EXOC4: variants seen among roughly 807,000 people sequenced by gnomAD.
The protein encoded by EXOC4 is SEC8-like 1.
EXOC4 carries 71 observed loss-of-function variants against 107.2 expected under a neutral mutation model. That is an observed-to-expected ratio of 0.66 (90% confidence interval 0.55 to 0.81). EXOC4 has a LOEUF of 0.81. Among genes scored for constraint, EXOC4 ranks in the 30% least tolerant of loss-of-function variants. EXOC4 has a pLI of 0.00. For missense variants in EXOC4, 1,108 were observed against 1,189.6 expected (o/e 0.93, Z 1.01); for synonymous variants, 456 against 441.2 (o/e 1.03, Z -0.42).
intron 9 of EXOC4, among the ~76,000 whole-genome samples, chr7:133,508,124 A>G (rs561452541): frequency 6.6e-5 from 10 of 152,198 alleles, no homozygotes; most frequent in Middle Eastern, 3.4e-3. Context: ...TTTTTTATCC[A>G]TGACTACAAA....
chr7:133,256,267 C>A (rs1795017094), intron 1 of EXOC4, among the ~76,000 whole-genome samples: 2 of 152,232 alleles, frequency 1.3e-5, no homozygotes, highest in South Asian at 4.1e-4. Context: ...AGGCGTGAGC[C>A]ACCGCGCCTG....
intron 14 of EXOC4, among the ~76,000 whole-genome samples, chr7:133,961,769 A>T (rs1360226056): frequency 6.6e-6 from 1 of 152,224 alleles, no homozygotes; most frequent in Admixed American, 6.5e-5. Flanking sequence ...AAAAACCATG[A>T]CTAAGTAACT....
intron 9 of EXOC4, among the ~76,000 whole-genome samples, chr7:133,626,023 G>A (rs1012644084): frequency 3.9e-5 from 6 of 152,154 alleles, no homozygotes; most frequent in Admixed American, 1.3e-4. Context: ...CCTGGCCAAC[G>A]TGGTGAAACC....
At chr7:133,818,787 A>G (rs911629670) in intron 11 of EXOC4, among the ~76,000 whole-genome samples, 1 of 151,852 alleles carries the variant, frequency 6.6e-6, no homozygotes, top group Non-Finnish European at 1.5e-5. Context: ...TGACTGTCCT[A>G]CCTAATTAGG....
At chr7:133,360,898 C>T (rs1002031296) in intron 6 of EXOC4, among the ~76,000 whole-genome samples, 1 of 151,738 alleles carries the variant, frequency 6.6e-6, no homozygotes, top group Non-Finnish European at 1.5e-5. Flanking sequence ...GTTTTTAAAC[C>T]AACTTGACAT....
intron 14 of EXOC4, among the ~76,000 whole-genome samples, chr7:133,960,857 T>G (rs1172587249): frequency 6.6e-6 from 1 of 152,188 alleles, no homozygotes; most frequent in Non-Finnish European, 1.5e-5. Flanking sequence ...CTGCCATTTA[T>G]TGAGAATTTA....
At chr7:133,272,305 A>C (rs780040829) in intron 1 of EXOC4, among the ~76,000 whole-genome samples, 9 of 152,222 alleles carry the variant, frequency 5.9e-5, no homozygotes, top group Non-Finnish European at 1.3e-4. Flanking sequence ...TTAGGAGTGC[A>C]ATCTGAAAGC....
At chr7:133,581,367 G>T (rs903509477) in intron 9 of EXOC4, among the ~76,000 whole-genome samples, 1 of 152,134 alleles carries the variant, frequency 6.6e-6, no homozygotes, top group African/African-American at 2.4e-5. Context: ...CTTGCCACGG[G>T]TGTACAGATA....
intron 9 of EXOC4, among the ~76,000 whole-genome samples, chr7:133,517,007 A>G (rs1799889587): frequency 6.6e-6 from 1 of 151,934 alleles, no homozygotes; most frequent in African/African-American, 2.4e-5. Context: ...TTTCTGATGA[A>G]CCAAGGGACA....
intron 12 of EXOC4, among the ~76,000 whole-genome samples, chr7:133,899,745 C>CTTTTTTTTTTTTTTT (rs35095963): frequency 1.2e-5 from 1 of 86,232 alleles, no homozygotes; most frequent in Non-Finnish European, 2.1e-5. Flanking sequence ...CAGATGTACT[C>CTTTTTTTTTTTTTTT]TTTTTTTTTT....
At chr7:134,076,219 A>G in the EXOC4 span, among the ~76,000 whole-genome samples, 1 of 152,194 alleles carries the variant, frequency 6.6e-6, no homozygotes, top group Non-Finnish European at 1.5e-5. Context: ...TGTCTGTCCT[A>G]AAGACAGAAG....
At chr7:133,651,802 A>G (rs1257219545) in intron 10 of EXOC4, among the ~76,000 whole-genome samples, 2 of 152,136 alleles carry the variant, frequency 1.3e-5, no homozygotes, top group African/African-American at 4.8e-5. Context: ...CTCACGCCTC[A>G]GCCTCCCAAA....
chr7:134,020,983 CAA>C (rs34211829), intron 17 of EXOC4, among the ~76,000 whole-genome samples: 7 of 135,620 alleles, frequency 5.2e-5, no homozygotes, highest in African/African-American at 8.3e-5. Context: ...AAGACTGTCT[CAA>C]AAAAAAAAAA....
chr7:134,045,213 A>G (rs1477522303), intron 17 of EXOC4, among the ~76,000 whole-genome samples: 1 of 152,228 alleles, frequency 6.6e-6, no homozygotes, highest in Non-Finnish European at 1.5e-5. Flanking sequence ...TATCATACGT[A>G]GAGTTGTTCC....
At chr7:133,732,018 A>G (rs1192695180) in intron 10 of EXOC4, among the ~76,000 whole-genome samples, 3 of 152,214 alleles carry the variant, frequency 2.0e-5, no homozygotes, top group Non-Finnish European at 4.4e-5. Context: ...ACTATTCACA[A>G]TAGCAAAGAC....
At chr7:133,792,787 C>G (rs1796731945) in intron 10 of EXOC4, among the ~76,000 whole-genome samples, 1 of 151,976 alleles carries the variant, frequency 6.6e-6, no homozygotes, top group African/African-American at 2.4e-5. Context: ...AAAATGGAGA[C>G]AATTTTAATG....
intron 11 of EXOC4, among the ~76,000 whole-genome samples, chr7:133,888,742 T>G (rs373996313): frequency 1.3e-5 from 2 of 152,272 alleles, no homozygotes; most frequent in African/African-American, 4.8e-5. Flanking sequence ...GAAAATGCAC[T>G]GTGGGCAGCA....
chr7:133,750,300 C>T (rs16874341), intron 10 of EXOC4, among the ~76,000 whole-genome samples: 13,642 of 151,892 alleles, frequency 0.09, 823 homozygotes, highest in South Asian at 0.2. Context: ...ATTTAGATCT[C>T]GATGTGTTTA....
chr7:133,490,010 A>T (rs954642418), intron 9 of EXOC4, among the ~76,000 whole-genome samples: 6 of 152,172 alleles, frequency 3.9e-5, no homozygotes, highest in African/African-American at 1.4e-4. Flanking sequence ...TCTTATTGGG[A>T]AGAAAGAGGC....
Sources: allele counts gnomAD v4.1 joint callset (sites outside exome capture counted in the v4.1 genomes callset), GRCh38; gene constraint gnomAD v4.1.1; transcripts MANE v1.5; gene names NCBI Gene and HGNC (gene_info 2026-07-23, HGNC 2026-07-21).